KIN: variants seen among roughly 807,000 people sequenced by gnomAD.
The protein encoded by KIN is DNA/RNA-binding protein KIN17.
KIN carries 47 observed loss-of-function variants against 63.0 expected under a neutral mutation model. The observed-to-expected ratio is 0.75, with a 90% confidence interval of 0.59 to 0.95. KIN has a LOEUF of 0.95. Ranked by LOEUF, KIN falls within the 40% of genes least tolerant of loss-of-function variation. KIN has a pLI of 0.00. For missense variants in KIN, 408 were observed against 460.9 expected (o/e 0.89, Z 1.05); for synonymous variants, 160 against 157.7 (o/e 1.01, Z -0.11).
chr10:7,759,026 C>T (rs1418920515), intron 12 of KIN, among the ~76,000 whole-genome samples: 1 of 152,006 alleles, frequency 6.6e-6, no homozygotes, highest in Non-Finnish European at 1.5e-5. Context: ...TTCCTAGACA[C>T]ATATTCTCTA....
chr10:7,770,732 T>C (rs1163306102), intron 7 of KIN, among the ~76,000 whole-genome samples: 1 of 152,208 alleles, frequency 6.6e-6, no homozygotes, highest in East Asian at 1.9e-4. Context: ...AAAGGATAAA[T>C]ATTTACACAA....
chr10:7,786,777 C>T (rs190967071), intron 1 of KIN, among the ~76,000 whole-genome samples: 87 of 152,226 alleles, frequency 5.7e-4, no homozygotes, highest in Admixed American at 5.2e-3. Flanking sequence ...TCATTTAAAC[C>T]ACCCAGTCTA....
intron 5 of KIN, among the ~76,000 whole-genome samples, chr10:7,778,294 G>A (rs1329335202): frequency 6.6e-6 from 1 of 152,162 alleles, no homozygotes; most frequent in Admixed American, 6.6e-5. Context: ...GGAAATTGAG[G>A]TTTGGAAATA....
intron 8 of KIN, among the ~76,000 whole-genome samples, chr10:7,766,848 C>T (rs1468003848): frequency 2.6e-5 from 4 of 151,816 alleles, no homozygotes; most frequent in Middle Eastern, 3.2e-3. Context: ...ACAGTGAAAC[C>T]GTGTCTCTAC....
At chr10:7,775,858 T>C (rs891558575) in intron 5 of KIN, 59 bp from the exon 6 acceptor site, 2 of 970,834 alleles carry the variant, frequency 2.1e-6, no homozygotes, top group East Asian at 2.6e-5. Flanking sequence ...CACCATTCAA[T>C]AGGCCTAAAT....
Position 7,775,784 on chromosome 10 carries a change from T to TA in KIN, c.573dup (p.Thr192TyrfsTer8). The TA allele has an allele frequency of 6.4e-7, 1 of 1,553,900 alleles. No homozygotes were observed. Among genetic ancestry groups the TA allele is most frequent in the Non-Finnish European group, 8.7e-7 (1 of 1,144,606 alleles). On this transcript the variant is annotated frameshift_variant, in exon 6 of 13. Coordinates refer to ENST00000379562, the MANE Select transcript of KIN (RefSeq NM_012311.4). LOFTEE classifies it high-confidence loss of function. ...TCATCATTTTCTCTGCTTAATTCCG[T>TA]AAAAGTAGGGACCTCCTAAAAAAAA...
Position 7,754,212 on chromosome 10 carries a change from T to C in KIN, c.*1868A>G, listed in dbSNP as rs1175612757. 1 of 394,760 alleles carries C rather than the reference T, an allele frequency of 2.5e-6. No individual in the cohort carries two copies. Among genetic ancestry groups the C allele is most frequent in the African/African-American group, 2.1e-5 (1 of 48,004 alleles). The allele number at this position is 394,760 out of a possible 1,614,324, so 24.5% of individuals were successfully genotyped here. The stretch of plus-strand genomic sequence containing the variant: ...CAGGCATGGTAGTGCATGCCTGTAG[T>C]CCCAGCTACTCGGGAGGCTGAGGTG... On this transcript the variant is annotated 3_prime_UTR_variant, in exon 13 of 13. Transcript: ENST00000379562.
chr10:7,777,246 C>CTTT (rs34850717), intron 5 of KIN, among the ~76,000 whole-genome samples: 1 of 144,522 alleles, frequency 6.9e-6, no homozygotes, highest in Non-Finnish European at 1.5e-5. Context: ...AAAGCAAAAG[C>CTTT]TTTTTTTTTT....
rs1022655801 is a variant in KIN, at chr10:7,755,923, C to T, written c.*157G>A. The T allele has an allele frequency of 4.6e-5, 21 of 454,242 alleles. No individual in the cohort carries two copies. The highest frequency in any genetic ancestry group is 8.1e-5 in the Admixed American group (2 of 24,610). 28.1% of individuals were successfully genotyped at this position (454,242 alleles called of 1,614,324 possible). A position where few individuals can be genotyped will look rare whatever the true frequency, so the allele number is the denominator to read the frequency against. On this transcript the variant is annotated 3_prime_UTR_variant, in exon 13 of 13. Transcript: ENST00000379562. The stretch of plus-strand genomic sequence containing the variant: ...CCTCATGAGACATAATTAAATTCTT[C>T]TCAAAGTTTAGCTGAACAACTATAC...
chr10:7,782,780 A>C (rs914611372), intron 2 of KIN, among the ~76,000 whole-genome samples: 1 of 152,162 alleles, frequency 6.6e-6, no homozygotes, highest in South Asian at 2.1e-4. Context: ...TTTTAAATGG[A>C]GAAGGATTTG....
chr10:7,777,788 A>G lies in KIN; in HGVS notation c.558+1050T>C, dbSNP rs111512973. Among the ~76,000 whole-genome samples the G allele has an allele frequency of 9.4e-3, 1,434 of 152,136 alleles. 32 individuals are homozygous for G. Among genetic ancestry groups the G allele is most frequent in the African/African-American group, 0.033 (1,351 of 41,492 alleles). On this transcript the variant is annotated intron_variant, in intron 5 of 12. Transcript: ENST00000379562. ...GTGGCTTGTGCCTGTAGTCCCAGCT[A>G]CTTGGGAGGCTGAGACACGAGAATC...
In KIN at chr10:7,776,087, G is replaced by A. The variant is rs150362254; in HGVS notation, c.559-288C>T. 4.1e-3 allele frequency among the ~76,000 whole-genome samples: 626 copies of A among 151,890 alleles called. 4 individuals carry two copies. Among genetic ancestry groups the A allele is most frequent in the African/African-American group, 0.013 (526 of 41,412 alleles). The stretch of plus-strand genomic sequence containing the variant: ...GCTAAAAATACACAAAAAATTAGCC[G>A]AGCATGGTGGTATGCACCTGTAATC... On this transcript the variant is annotated intron_variant, in intron 5 of 12. Coordinates refer to ENST00000379562, the MANE Select transcript of KIN (RefSeq NM_012311.4).
At chr10:7,760,094 C>CA in intron 11 of KIN, 104 bp from the exon 12 acceptor site, 1 of 556,080 alleles carries the variant, frequency 1.8e-6, no homozygotes, top group Non-Finnish European at 3.1e-6. Context: ...TAATAAAAAA[C>CA]AAAACCCTTT....
intron 8 of KIN, among the ~76,000 whole-genome samples, chr10:7,767,088 T>G (rs1050552248): frequency 6.6e-6 from 1 of 151,958 alleles, no homozygotes; most frequent in Admixed American, 6.6e-5. Flanking sequence ...CTAAAATTAG[T>G]ATGCATTATA....
chr10:7,761,632 A>T (rs959884529), intron 11 of KIN, among the ~76,000 whole-genome samples: 27 of 152,212 alleles, frequency 1.8e-4, no homozygotes, highest in African/African-American at 6.5e-4. Flanking sequence ...GTGACAGGCC[A>T]CTGTCAAGAT....
intron 2 of KIN, among the ~76,000 whole-genome samples, chr10:7,780,933 C>A (rs1249915844): frequency 6.6e-6 from 1 of 152,218 alleles, no homozygotes; most frequent in Non-Finnish European, 1.5e-5. Flanking sequence ...CTGATGGTGG[C>A]ATAATGACCC....
intron 12 of KIN, among the ~76,000 whole-genome samples, chr10:7,757,242 TA>T (rs1449519867): frequency 6.6e-6 from 1 of 152,196 alleles, no homozygotes; most frequent in Non-Finnish European, 1.5e-5. Flanking sequence ...CTCACATCTG[TA>T]ATCCCAGCAC....
Position 7,780,430 on chromosome 10 carries a change from C to T in KIN, c.210-123G>A, listed in dbSNP as rs146119489. 3.8e-3 allele frequency: 2,798 copies of T among 741,474 alleles called. 11 individuals are homozygous for T. Among genetic ancestry groups the T allele is most frequent in the Non-Finnish European group, 5.3e-3 (2,480 of 465,712 alleles). 45.9% of individuals were successfully genotyped at this position (741,474 alleles called of 1,614,324 possible). On this transcript the variant is annotated intron_variant, in intron 2 of 12. Transcript: ENST00000379562. ...TTTTTTTGAGACAGAGTCTCGTTCT[C>T]GTCACCCAAGCTGGAGTGCAATAGT...
At chr10:7,768,775 G>A (rs1835605100) in intron 8 of KIN, among the ~76,000 whole-genome samples, 1 of 152,142 alleles carries the variant, frequency 6.6e-6, no homozygotes, top group African/African-American at 2.4e-5. Context: ...CCCAGCATTT[G>A]GGAGTCCAAG....
Sources: gnomAD v4.1 joint callset for allele counts (sites outside exome capture counted in the v4.1 genomes callset) on GRCh38, gnomAD v4.1.1 for gene constraint, MANE v1.5 for transcripts, NCBI Gene and HGNC (gene_info 2026-07-23, HGNC 2026-07-21) for gene names.